The following ZFPM2 variants were observed in gnomAD, a reference collection of about 807,000 sequenced individuals.
ZFPM2 encodes the protein zinc finger protein, FOG family member 2, also known as zinc finger protein ZFPM2.
In ZFPM2, 20 loss-of-function variants were observed where a neutral mutation model predicts 98.6. The ratio of observed to expected loss-of-function variants is 0.20; its 90% CI spans 0.14 to 0.29. The LOEUF (loss-of-function observed/expected upper bound fraction) is 0.29, where lower values mean the gene tolerates loss of function less well. Among genes scored for constraint, ZFPM2 ranks in the 10% least tolerant of loss-of-function variants. ZFPM2 has a pLI of 1.00. For synonymous variants in ZFPM2, 518 were observed against 502.7 expected (o/e 1.03, Z -0.41); for missense variants, 1,310 against 1,388.6 (o/e 0.94, Z 0.90).
intron 3 of ZFPM2, among the ~76,000 whole-genome samples, chr8:105,446,059 T>TACAG (rs1433827410): frequency 6.6e-6 from 1 of 152,120 alleles, no homozygotes; most frequent in Non-Finnish European, 1.5e-5. Context: ...TAGCTGGGAC[T>TACAG]ACAGGCATGT....
At chr8:105,707,438 A>T (rs189383458) in intron 5 of ZFPM2, among the ~76,000 whole-genome samples, 212 of 152,242 alleles carry the variant, frequency 1.4e-3, no homozygotes, top group African/African-American at 4.9e-3. Flanking sequence ...ACTAGGAAAC[A>T]TATCTAATTA....
chr8:105,389,442 T>G (rs1323900688), intron 1 of ZFPM2, among the ~76,000 whole-genome samples: 2 of 152,048 alleles, frequency 1.3e-5, no homozygotes, highest in East Asian at 3.9e-4. Context: ...TAAAGATGAA[T>G]AGTCAAAAAA....
At chr8:105,763,036 C>A (rs1239703518) in intron 5 of ZFPM2, among the ~76,000 whole-genome samples, 30 of 148,290 alleles carry the variant, frequency 2.0e-4, no homozygotes, top group African/African-American at 7.2e-4. Flanking sequence ...AATAACATAT[C>A]AATCATGATG....
intron 5 of ZFPM2, chr8:105,662,407 C>T (rs1389469184): frequency 6.6e-6 from 1 of 152,114 alleles, no homozygotes; most frequent in Non-Finnish European, 1.5e-5. Flanking sequence ...AAGTCCTAAC[C>T]TAACCCCTGT....
At chr8:105,733,384 G>A (rs1296578820) in intron 5 of ZFPM2, among the ~76,000 whole-genome samples, 2 of 151,858 alleles carry the variant, frequency 1.3e-5, no homozygotes, top group African/African-American at 2.4e-5. Flanking sequence ...CTAAGGGAAT[G>A]ATTGAAAACA....
In ZFPM2 at chr8:105,587,278, G is replaced by GAA. The variant is rs1217188691; in HGVS notation, c.420+25816_420+25817dup. On this transcript the variant is annotated intron_variant, in intron 4 of 7. Coordinates refer to ENST00000407775, the MANE Select transcript of ZFPM2 (RefSeq NM_012082.4). ...GGTGACAGAGCAAGACTCTGTCTCA[G>GAA]AAAAAAAAAAAAAAAAAAAAGCTTT... is the stretch of plus-strand genomic sequence containing the variant. Among the ~76,000 whole-genome samples, 453 of 51,834 alleles carry GAA rather than the reference G, an allele frequency of 8.7e-3. 6 individuals are homozygous for GAA. The highest frequency in any genetic ancestry group is 0.026 in the African/African-American group (330 of 12,574). 34.0% of individuals were successfully genotyped at this position (51,834 alleles called of 152,430 possible). A position where few individuals can be genotyped will look rare whatever the true frequency, so the allele number is the denominator to read the frequency against.
Position 105,804,486 on chromosome 8 carries a change from ATGT to A in ZFPM2, c.*953_*955del, listed in dbSNP as rs1164148478. ...TCTGATAGAAATAATTTCTCAACAA[ATGT>A]TGTTACTATGCATGTATATGGATGG... On this transcript the variant is annotated 3_prime_UTR_variant, in exon 8 of 8. Transcript: ENST00000407775. 1.3e-5 allele frequency: 2 copies of A among 152,600 alleles called. No individual in the cohort carries two copies. Among genetic ancestry groups the A allele is most frequent in the African/African-American group, 4.8e-5 (2 of 41,440 alleles). The allele number at this position is 152,600 out of a possible 1,614,324, so 9.5% of individuals were successfully genotyped here. A position where few individuals can be genotyped will look rare whatever the true frequency, so the allele number is the denominator to read the frequency against.
intron 1 of ZFPM2, among the ~76,000 whole-genome samples, chr8:105,360,718 G>A (rs1812841356): frequency 1.4e-5 from 2 of 147,238 alleles, no homozygotes; most frequent in African/African-American, 2.5e-5. Flanking sequence ...GTGAGAATAT[G>A]CGGTGTTTGG....
intron 3 of ZFPM2, among the ~76,000 whole-genome samples, chr8:105,494,205 AT>A (rs1813414646): frequency 1.5e-5 from 2 of 134,442 alleles, no homozygotes; most frequent in Admixed American, 7.5e-5. Flanking sequence ...ATATATATAT[AT>A]ATATATATAT....
At chr8:105,568,412 C>A (rs1455501895) in intron 4 of ZFPM2, among the ~76,000 whole-genome samples, 1 of 152,108 alleles carries the variant, frequency 6.6e-6, no homozygotes, top group African/African-American at 2.4e-5. Flanking sequence ...TTCTACCTCT[C>A]CTTCTCACAT....
intron 5 of ZFPM2, among the ~76,000 whole-genome samples, chr8:105,694,964 A>T (rs1483690359): frequency 6.6e-6 from 1 of 152,122 alleles, no homozygotes; most frequent in African/African-American, 2.4e-5. Context: ...CAAATATATT[A>T]TGTCTCATTT....
At chr8:105,534,454 C>T (rs1369806472) in intron 3 of ZFPM2, among the ~76,000 whole-genome samples, 5 of 139,470 alleles carry the variant, frequency 3.6e-5, no homozygotes, top group African/African-American at 1.2e-4. Context: ...TCTCTTCCTT[C>T]CTTCCTTCCT....
intron 5 of ZFPM2, among the ~76,000 whole-genome samples, chr8:105,728,839 C>T (rs566468649): frequency 2.0e-3 from 296 of 151,758 alleles, no homozygotes; most frequent in African/African-American, 6.9e-3. Context: ...AAAAGCAATT[C>T]CTTCTCTCCT....
At chr8:105,426,834 G>T (rs191532812) in intron 2 of ZFPM2, among the ~76,000 whole-genome samples, 52 of 152,124 alleles carry the variant, frequency 3.4e-4, no homozygotes, top group African/African-American at 1.2e-3. Context: ...GTACACGCCT[G>T]TAGTCCCAGC....
chr8:105,445,989 C>T (rs1223248987), intron 3 of ZFPM2, among the ~76,000 whole-genome samples: 18 of 151,610 alleles, frequency 1.2e-4, no homozygotes, highest in African/African-American at 4.1e-4. Flanking sequence ...GGCATGATCT[C>T]GGCTCACCAC....
intron 5 of ZFPM2, among the ~76,000 whole-genome samples, chr8:105,744,448 A>T (rs1275696177): frequency 6.6e-6 from 1 of 152,140 alleles, no homozygotes; most frequent in African/African-American, 2.4e-5. Flanking sequence ...TGAGAAAGTC[A>T]TGGGATCCAA....
At chr8:105,631,846 A>G (rs893214996) in intron 4 of ZFPM2, among the ~76,000 whole-genome samples, 5 of 152,166 alleles carry the variant, frequency 3.3e-5, no homozygotes, top group African/African-American at 1.2e-4. Context: ...ATCACTATCT[A>G]TTTTTTATAT....
chr8:105,529,874 G>T (rs1045806727), intron 3 of ZFPM2, among the ~76,000 whole-genome samples: 31 of 151,910 alleles, frequency 2.0e-4, no homozygotes, highest in African/African-American at 7.5e-4. Flanking sequence ...GGGATTACAG[G>T]TGTGTGCCAC....
intron 2 of ZFPM2, among the ~76,000 whole-genome samples, chr8:105,423,351 T>C (rs1387971577): frequency 6.6e-6 from 1 of 152,216 alleles, no homozygotes; most frequent in East Asian, 1.9e-4. Flanking sequence ...GTTCCTATTT[T>C]TCATTTCTTT....
Sources: gnomAD v4.1 joint callset for allele counts (sites outside exome capture counted in the v4.1 genomes callset) on GRCh38, gnomAD v4.1.1 for gene constraint, MANE v1.5 for transcripts, NCBI Gene and HGNC (gene_info 2026-07-23, HGNC 2026-07-21) for gene names.